Variants in IGSF9B observed in about 807,000 individuals in gnomAD.
IGSF9B encodes immunoglobulin superfamily member 9B, also known as protein turtle homolog B.
Under a neutral mutation model 143.7 loss-of-function variants are expected in IGSF9B, and 48 were observed. The ratio of observed to expected loss-of-function variants is 0.33; its 90% CI spans 0.26 to 0.42. The LOEUF (loss-of-function observed/expected upper bound fraction) is 0.42. Ranked by LOEUF, IGSF9B falls within the 20% of genes least tolerant of loss-of-function variation. IGSF9B has a pLI of 1.00. For missense variants in IGSF9B, 1,706 were observed against 1,980.0 expected (o/e 0.86, Z 2.63); for synonymous variants, 903 against 833.1 (o/e 1.08, Z -1.44).
At position 133,946,568 on chromosome 11, in the gene IGSF9B, C is replaced by T. The variant is rs1051944081; in HGVS notation, c.65-310G>A. ...CTCCCCAGTCTCAAAGAGCCGCAGG[C>T]GTCATCCAGCCCCACCCCCTGCTGG... On this transcript the variant is annotated intron_variant, in intron 1 of 19. Transcript: ENST00000533871. 7.9e-5 allele frequency among the ~76,000 whole-genome samples: 12 copies of T among 152,320 alleles called. 1 individual carries two copies. The Middle Eastern group carries it at 0.017, about 216-fold the overall frequency.
intron 3 of IGSF9B, 174 bp from the exon 4 acceptor site, chr11:133,938,135 C>T (rs1461993966): frequency 1.5e-6 from 1 of 681,480 alleles, no homozygotes; most frequent in East Asian, 2.8e-5. Flanking sequence ...GGCAGGGAGA[C>T]CTGCATCCAA....
intron 12 of IGSF9B, 31 bp from the exon 13 acceptor site, chr11:133,927,122 C>T (rs1198102974): frequency 9.2e-6 from 14 of 1,520,150 alleles, no homozygotes; most frequent in African/African-American, 6.9e-5. Context: ...GGATAGGGGA[C>T]GAGGGGCGGG....
chr11:133,922,540 G>T, intron 16 of IGSF9B, 29 bp downstream of exon 16: 3 of 1,596,896 alleles, frequency 1.9e-6, no homozygotes, highest in Non-Finnish European at 2.6e-6. Flanking sequence ...CCGGGCCAGG[G>T]AGAGCAAGGG....
At chr11:133,929,304 A>T (rs1159562725) in intron 12 of IGSF9B, among the ~76,000 whole-genome samples, 27 of 152,158 alleles carry the variant, frequency 1.8e-4, no homozygotes, top group Admixed American at 1.8e-3. Context: ...TAAAAACTAG[A>T]CTCTACACTT....
At chr11:133,956,194 A>T (rs1266693926) in intron 1 of IGSF9B, among the ~76,000 whole-genome samples, 2 of 151,860 alleles carry the variant, frequency 1.3e-5, no homozygotes, top group African/African-American at 2.4e-5. Flanking sequence ...GGCCGCGCGA[A>T]CCCGGGGCCT....
In IGSF9B at chr11:133,898,230, A is replaced by C. The variant is rs1238603419; in HGVS notation, c.*10839T>G. 6.6e-6 allele frequency: 1 copy of C among 152,184 alleles called. No homozygotes were observed. Among genetic ancestry groups the C allele is most frequent in the East Asian group, 1.9e-4 (1 of 5,178 alleles). The allele number at this position is 152,184 out of a possible 1,614,324, so 9.4% of individuals were successfully genotyped here. A position where few individuals can be genotyped will look rare whatever the true frequency, so the allele number is the denominator to read the frequency against. On this transcript the variant is annotated 3_prime_UTR_variant, in exon 20 of 20. Transcript: ENST00000533871. Reference sequence around the variant, plus strand: ...GAAAGAAAGAGTTCGAAATGAGAGCAAGAAATCTCATGACGAAACTGACAG... The same window carrying C: ...GAAAGAAAGAGTTCGAAATGAGAGCCAGAAATCTCATGACGAAACTGACAG...
In IGSF9B at chr11:133,931,012, G is replaced by A. The variant is rs1178678105; in HGVS notation, c.1491C>T (p.Ile497=). 1 of 1,613,156 alleles carries A rather than the reference G, an allele frequency of 6.2e-7. No homozygotes were observed. The highest frequency in any genetic ancestry group is 2.2e-5 in the East Asian group (1 of 44,860). ...TGACGGTGAGGTGGGTGCTGGCAGTGATGCTCGTGACCACGTTGGTGGCGA... is the reference window on the plus strand; with the variant it reads ...TGACGGTGAGGTGGGTGCTGGCAGTAATGCTCGTGACCACGTTGGTGGCGA... ...ECVATNVVTS[I]TASTHLTVIG... is the part of the protein sequence containing the mutation. The change falls in exon 11 of 20, where the codon ATC becomes ATT. Residue 497 remains isoleucine, a synonymous_variant. Transcript: ENST00000533871. The surrounding 1 kb of genome is among the most constrained non-coding windows in gnomAD (Gnocchi z 7.7).
chr11:133,940,232 G>A (rs35261319), intron 3 of IGSF9B, among the ~76,000 whole-genome samples: 2,860 of 85,390 alleles, frequency 0.033, 64 homozygotes, highest in Middle Eastern at 0.051. Flanking sequence ...GTCATCGCAC[G>A]CAAAAACACA....
Position 133,948,091 on chromosome 11 carries a change from CTG to C in IGSF9B, c.65-1835_65-1834del, listed in dbSNP as rs1940091740. On this transcript the variant is annotated intron_variant, in intron 1 of 19. Transcript: ENST00000533871. The surrounding 1 kb of genome is among the most constrained non-coding windows in gnomAD (Gnocchi z 4.7). Reference sequence around the variant, plus strand: ...TGTGTGTGTGTGTGTGTGTGTGTGTCTGTGTGTGTTTCGGTTGGCTCATGCAA... The same window carrying C: ...TGTGTGTGTGTGTGTGTGTGTGTGTCTGTGTGTTTCGGTTGGCTCATGCAA... Among the ~76,000 whole-genome samples the C allele has an allele frequency of 9.7e-6, 1 of 103,504 alleles. No individual in the cohort carries two copies. The highest frequency in any genetic ancestry group is 4.4e-5 in the African/African-American group (1 of 22,558). 67.9% of individuals were successfully genotyped at this position (103,504 alleles called of 152,430 possible). A position where few individuals can be genotyped will look rare whatever the true frequency, so the allele number is the denominator to read the frequency against.
chr11:133,929,757 A>T lies in IGSF9B; in HGVS notation c.1545T>A (p.Ser515Arg). Reference sequence around the variant, plus strand: ...TTGTCATGGAGACCTGGACCCGGACACTGCCCGGGGCATGGGGGCTGGTGC... The same window carrying T: ...TTGTCATGGAGACCTGGACCCGGACTCTGCCCGGGGCATGGGGGCTGGTGC... ...VIGTSPHAPG[S>R]VRVQVSMTTA... Residue 515 changes from serine (S) to arginine (R), a missense_variant, in exon 12 of 20, where the codon AGT becomes AGA. Around this residue, in one of 7 missense-constraint regions of IGSF9B, gnomAD observed 267 missense variants for 321.1 expected, o/e 0.83. Coordinates refer to ENST00000533871, the MANE Select transcript of IGSF9B (RefSeq NM_001277285.4). 1 of 1,613,764 alleles carries T rather than the reference A, an allele frequency of 6.2e-7. No individual in the cohort carries two copies.
At chr11:133,918,882 C>A (rs1049442466) in intron 18 of IGSF9B, among the ~76,000 whole-genome samples, 3 of 150,342 alleles carry the variant, frequency 2.0e-5, no homozygotes, top group Admixed American at 6.6e-5. Flanking sequence ...CTTCCGAACC[C>A]AAAGGCGATG....
rs1939151395 is a variant in IGSF9B at position 133,902,448 on chromosome 11, G to GACACAACACACACACGCACACCACAC, written c.*6620_*6621insGTGTGGTGTGCGTGTGTGTGTTGTGT. 7.8e-6 allele frequency among the ~76,000 whole-genome samples: 1 copy of GACACAACACACACACGCACACCACAC among 127,422 alleles called. No individual in the cohort carries two copies. The highest frequency in any genetic ancestry group is 3.3e-5 in the African/African-American group (1 of 30,632). The allele number at this position is 127,422 out of a possible 152,430, so 83.6% of individuals were successfully genotyped here. A position where few individuals can be genotyped will look rare whatever the true frequency, so the allele number is the denominator to read the frequency against. On this transcript the variant is annotated 3_prime_UTR_variant, in exon 20 of 20. Transcript: ENST00000533871. ...CACACCACACCACACACACCACCCA[G>GACACAACACACACACGCACACCACAC]ACACACCACACACAGATACACACAC...
chr11:133,950,304 G>A lies in IGSF9B; in HGVS notation c.65-4046C>T, dbSNP rs147928946. On this transcript the variant is annotated intron_variant, in intron 1 of 19. Transcript: ENST00000533871. ...AGGTGTGAGGAGCAGGGCCGGGCGA[G>A]CATCAGCTGGCATGCAAGCCTCGCG... Among the ~76,000 whole-genome samples the A allele has an allele frequency of 8.7e-3, 1,318 of 152,354 alleles. 10 individuals carry two copies. Among genetic ancestry groups the A allele is most frequent in the Non-Finnish European group, 0.013 (859 of 68,028 alleles).
Position 133,932,194 on chromosome 11 carries a change from G to A in IGSF9B, c.987C>T (p.Asn329=). The A allele has an allele frequency of 6.3e-7, 1 of 1,576,930 alleles. No individual in the cohort carries two copies. The highest frequency in any genetic ancestry group is 8.6e-7 in the Non-Finnish European group (1 of 1,161,268). The part of the protein sequence containing the change: ...LTVQYPARVL[N]MPPVIYVPVG... ...CGGGCACGTAAATCACAGGGGGCAT[G>A]TTGAGGACACGCGCTGGGTCTGCAT... is the stretch of plus-strand genomic sequence containing the variant. Residue 329 remains asparagine, a synonymous_variant, in exon 8 of 20, where the codon AAC becomes AAT. Transcript: ENST00000533871.
At chr11:133,933,048 C>T (rs1272361372) in intron 7 of IGSF9B, among the ~76,000 whole-genome samples, 2 of 152,094 alleles carry the variant, frequency 1.3e-5, no homozygotes, top group Non-Finnish European at 2.9e-5. Flanking sequence ...ACAGGGAAGC[C>T]AGGTGAGAAT....
chr11:133,931,330 C>T lies in IGSF9B; in HGVS notation c.1368+123G>A, dbSNP rs541734643. 56 of 851,198 alleles carry T rather than the reference C, an allele frequency of 6.6e-5. No individual in the cohort carries two copies. In the African/African-American group the frequency reaches 8.2e-4, roughly 12 times the overall value. The allele number at this position is 851,198 out of a possible 1,614,324, so 52.7% of individuals were successfully genotyped here. The stretch of plus-strand genomic sequence containing the variant: ...AGGGCAGGTCCAGAATAGAACTGCT[C>T]GCTGGGCCCTCACACCTCCCCTCAG... On this transcript the variant is annotated intron_variant, in intron 10 of 19. Transcript: ENST00000533871. The surrounding 1 kb of genome is among the most constrained non-coding windows in gnomAD (Gnocchi z 7.7).
At chr11:133,935,313 A>T (rs1259981153) in intron 7 of IGSF9B, among the ~76,000 whole-genome samples, 1 of 152,240 alleles carries the variant, frequency 6.6e-6, no homozygotes, top group Non-Finnish European at 1.5e-5. Context: ...GCCAGCCTTC[A>T]GCCCGAGGAC....
rs1939485960 is a variant in IGSF9B at position 133,920,010 on chromosome 11, G to C, written c.3715C>G (p.Leu1239Val). 2 of 1,585,482 alleles carry C rather than the reference G, an allele frequency of 1.3e-6. No individual in the cohort carries two copies. The highest frequency in any genetic ancestry group is 1.8e-5 in the Admixed American group (1 of 55,368). ...LQQAEMSEIT[L>V]QPPAAVSFSR... Reference sequence around the variant, plus strand: ...AAGCTGACTGCAGCCGGCGGCTGCAGGGTGATCTCTGACATCTCTGCCTGC... The same window carrying C: ...AAGCTGACTGCAGCCGGCGGCTGCACGGTGATCTCTGACATCTCTGCCTGC... Residue 1239 changes from leucine to valine, a missense_variant, in exon 18 of 20, where the codon CTG becomes GTG. Leu to Val is a conservative substitution (Grantham distance 32). Around this residue, in one of 7 missense-constraint regions of IGSF9B, gnomAD observed 880 missense variants for 762.9 expected, o/e 1.15. Coordinates refer to ENST00000533871, the MANE Select transcript of IGSF9B (RefSeq NM_001277285.4).
chr11:133,952,733 A>AG lies in IGSF9B; in HGVS notation c.64+3957dup. On this transcript the variant is annotated intron_variant, in intron 1 of 19. Transcript: ENST00000533871. ...CAGGGGCACATATATGCACACATGC[A>AG]GGGGCACACACATATGTACACATAT... Among the ~76,000 whole-genome samples, 3 of 152,254 alleles carry AG rather than the reference A, an allele frequency of 2.0e-5. No individual in the cohort carries two copies. The South Asian group carries it at 6.2e-4, about 32-fold the overall frequency.
Sources: gnomAD v4.1 joint callset for allele counts (sites outside exome capture counted in the v4.1 genomes callset) on GRCh38, gnomAD v4.1.1 for gene constraint, gnomAD v4.1.1 regional missense constraint, Gnocchi (gnomAD v3.1) non-coding constraint, MANE v1.5 for transcripts, NCBI Gene and HGNC (gene_info 2026-07-23, HGNC 2026-07-21) for gene names.